COL22A1: variants seen among roughly 807,000 people sequenced by gnomAD.
COL22A1 encodes the protein collagen type XXII alpha 1 chain.
COL22A1 carries 221 observed loss-of-function variants against 248.9 expected under a neutral mutation model. The ratio of observed to expected loss-of-function variants is 0.89; its 90% CI spans 0.80 to 0.99. The LOEUF (loss-of-function observed/expected upper bound fraction) is 0.99. Among genes scored for constraint, COL22A1 ranks in the 50% least tolerant of loss-of-function variants. The probability of loss-of-function intolerance (pLI) is 0.00; values close to 1 mark genes in which losing one functional copy is unlikely to be tolerated. For synonymous variants in COL22A1, 891 were observed against 793.4 expected (o/e 1.12, Z -2.07); for missense variants, 2,240 against 2,179.0 (o/e 1.03, Z -0.56).
At chr8:138,714,363 G>T (rs1829269827) in intron 30 of COL22A1, among the ~76,000 whole-genome samples, 1 of 152,184 alleles carries the variant, frequency 6.6e-6, no homozygotes, top group Non-Finnish European at 1.5e-5. Flanking sequence ...CAACCTCAGT[G>T]GTCTCATTGA....
chr8:138,752,122 G>A (rs1832655968), intron 21 of COL22A1, among the ~76,000 whole-genome samples: 1 of 152,150 alleles, frequency 6.6e-6, no homozygotes, highest in Admixed American at 6.5e-5. Flanking sequence ...TCTCTGAAGT[G>A]GGGATGATAC....
intron 30 of COL22A1, among the ~76,000 whole-genome samples, chr8:138,711,061 C>A (rs941305687): frequency 6.6e-6 from 1 of 152,078 alleles, no homozygotes; most frequent in South Asian, 2.1e-4. Context: ...GGAAGAACAG[C>A]GAGCTGGAGC....
chr8:138,824,154 T>C (rs1327683008), intron 6 of COL22A1, among the ~76,000 whole-genome samples: 4 of 152,212 alleles, frequency 2.6e-5, no homozygotes, highest in Non-Finnish European at 4.4e-5. Context: ...AAGCTAATAA[T>C]TGCATGATTA....
rs928293654 is a variant in COL22A1 at position 138,826,597 on chromosome 8, C to T, written c.969+61G>A. The T allele has an allele frequency of 5.1e-6, 8 of 1,571,300 alleles. No individual in the cohort carries two copies. In the African/African-American group the frequency reaches 9.5e-5, roughly 19 times the overall value. ...GAGAAAACATGGTGGGTGGTGCCAT[C>T]CACTGTGAGAGGGGAACAGAAAGCT... On this transcript the variant is annotated intron_variant, in intron 6 of 64. Transcript: ENST00000303045.
chr8:138,650,650 T>C (rs935233921), intron 45 of COL22A1, among the ~76,000 whole-genome samples: 1 of 151,730 alleles, frequency 6.6e-6, no homozygotes, highest in Non-Finnish European at 1.5e-5. Context: ...GTAAAGCACT[T>C]AGAATACTCT....
intron 32 of COL22A1, among the ~76,000 whole-genome samples, chr8:138,699,637 G>A (rs113817668): frequency 1.4e-3 from 5 of 3,636 alleles, no homozygotes; most frequent in Non-Finnish European, 4.1e-3. Flanking sequence ...TCTGTCCATC[G>A]GCACACCCCA....
At chr8:138,871,253 G>A (rs1032864744) in intron 3 of COL22A1, among the ~76,000 whole-genome samples, 8 of 152,248 alleles carry the variant, frequency 5.3e-5, no homozygotes, top group East Asian at 1.9e-4. Flanking sequence ...CCCTCTTCCC[G>A]CTGAGGGAAG....
chr8:138,622,605 C>T (rs1325771191), intron 52 of COL22A1, among the ~76,000 whole-genome samples: 3 of 152,172 alleles, frequency 2.0e-5, no homozygotes, highest in Non-Finnish European at 2.9e-5. Flanking sequence ...CAATCATCCT[C>T]CCATGGACAG....
chr8:138,623,487 T>G (rs979869702), intron 52 of COL22A1, among the ~76,000 whole-genome samples: 7 of 151,992 alleles, frequency 4.6e-5, no homozygotes, highest in African/African-American at 1.7e-4. Context: ...TGGGCTCAGG[T>G]TCAGATTCTG....
At chr8:138,884,774 G>T (rs1462765221) in intron 1 of COL22A1, among the ~76,000 whole-genome samples, 1 of 152,116 alleles carries the variant, frequency 6.6e-6, no homozygotes, top group African/African-American at 2.4e-5. Flanking sequence ...TGTGGCAGGG[G>T]AGTGAGCTCA....
chr8:138,880,676 C>T lies in COL22A1; in HGVS notation c.92-2360G>A, dbSNP rs540568087. 2.6e-5 allele frequency among the ~76,000 whole-genome samples: 4 copies of T among 152,306 alleles called. No individual in the cohort carries two copies. In the South Asian group the frequency reaches 8.3e-4, roughly 32 times the overall value. ...CAGCCTTAGCAGGACTGATCCCTAA[C>T]AGGATTAGAACTCTGGAGTGTGTTT... On this transcript the variant is annotated intron_variant, in intron 2 of 64. Coordinates refer to ENST00000303045, the MANE Select transcript of COL22A1 (RefSeq NM_152888.3).
intron 47 of COL22A1, among the ~76,000 whole-genome samples, chr8:138,644,732 CAT>C (rs201851237): frequency 0.013 from 1,976 of 152,320 alleles, 25 homozygotes; most frequent in Middle Eastern, 0.024. Flanking sequence ...TTCCCATGCA[CAT>C]GTTTCTCCTT....
At chr8:138,637,087 T>A (rs1821246321) in intron 47 of COL22A1, among the ~76,000 whole-genome samples, 1 of 152,068 alleles carries the variant, frequency 6.6e-6, no homozygotes, top group Non-Finnish European at 1.5e-5. Flanking sequence ...CATGTCAACA[T>A]CTGATGTTAG....
intron 62 of COL22A1, among the ~76,000 whole-genome samples, chr8:138,594,616 C>T (rs1334336720): frequency 6.6e-6 from 1 of 152,192 alleles, no homozygotes; most frequent in Non-Finnish European, 1.5e-5. Context: ...CACCCTACCC[C>T]ACTGGGCTGG....
chr8:138,600,513 T>A (rs1220682572), intron 60 of COL22A1, among the ~76,000 whole-genome samples: 1 of 152,108 alleles, frequency 6.6e-6, no homozygotes, highest in African/African-American at 2.4e-5. Context: ...TGCACATTTA[T>A]AACACACACC....
chr8:138,777,530 C>G (rs557281730), intron 15 of COL22A1, among the ~76,000 whole-genome samples: 2 of 152,248 alleles, frequency 1.3e-5, no homozygotes, highest in African/African-American at 2.4e-5. Context: ...CCCACCACCC[C>G]CCAACAGGCC....
At chr8:138,592,935 C>G (rs1353275580) in intron 63 of COL22A1, among the ~76,000 whole-genome samples, 1 of 152,136 alleles carries the variant, frequency 6.6e-6, no homozygotes, top group Admixed American at 6.6e-5. Flanking sequence ...TATTGCAGCA[C>G]TATTTACAAT....
At chr8:138,911,746 C>A (rs1587031562) in intron 1 of COL22A1, among the ~76,000 whole-genome samples, 1 of 152,218 alleles carries the variant, frequency 6.6e-6, no homozygotes, top group East Asian at 1.9e-4. Flanking sequence ...TTTACTTAAT[C>A]ATTTTGTAGG....
chr8:138,820,748 A>ATGTG (rs921897720), intron 7 of COL22A1, among the ~76,000 whole-genome samples: 2 of 152,100 alleles, frequency 1.3e-5, no homozygotes, highest in African/African-American at 4.8e-5. Context: ...ATATGTATGT[A>ATGTG]TGTGTGTGTG....
Sources: gnomAD v4.1 joint callset for allele counts (sites outside exome capture counted in the v4.1 genomes callset) on GRCh38, gnomAD v4.1.1 for gene constraint, MANE v1.5 for transcripts, NCBI Gene and HGNC (gene_info 2026-07-23, HGNC 2026-07-21) for gene names.